Variants in COL9A1 observed in about 807,000 individuals in gnomAD.
COL9A1 encodes the protein collagen alpha-1(IX) chain.
A neutral mutation model predicts 142.6 loss-of-function variants in COL9A1; 104 were observed. The ratio of observed to expected loss-of-function variants is 0.73; its 90% CI spans 0.62 to 0.86. The LOEUF is 0.86. Among genes scored for constraint, COL9A1 ranks in the 40% least tolerant of loss-of-function variants. COL9A1 has a pLI of 0.00. For missense variants in COL9A1, 1,210 were observed against 1,176.6 expected, an observed-to-expected ratio of 1.03 and a Z score of -0.42; for synonymous variants, 466 against 396.0, an observed-to-expected ratio of 1.18 and a Z score of -2.10.
At chr6:70,290,515 G>A (rs1773617863) in intron 5 of COL9A1, among the ~76,000 whole-genome samples, 1 of 152,086 alleles carries the variant, frequency 6.6e-6, no homozygotes, top group African/African-American at 2.4e-5. Context: ...CATGTGAACA[G>A]CTATATCACA....
intron 7 of COL9A1, among the ~76,000 whole-genome samples, 191 bp downstream of exon 7, chr6:70,282,707 C>G (rs546822955): frequency 7.2e-5 from 11 of 152,296 alleles, no homozygotes; most frequent in African/African-American, 2.6e-4. Flanking sequence ...AGCCCCCCTT[C>G]CTAGACCAAG....
At chr6:70,229,089 A>G (rs76946863) in intron 36 of COL9A1, among the ~76,000 whole-genome samples, 2,575 of 152,208 alleles carry the variant, frequency 0.017, 79 homozygotes, top group African/African-American at 0.058. Context: ...CCAACTTTTA[A>G]TGTTGCTTCG....
intron 37 of COL9A1, among the ~76,000 whole-genome samples, chr6:70,221,852 G>T (rs557841659): frequency 6.6e-6 from 1 of 152,162 alleles, no homozygotes; most frequent in Non-Finnish European, 1.5e-5. Context: ...TGAGACAACC[G>T]ACCAAGCAAT....
chr6:70,234,494 C>T (rs757126165), intron 35 of COL9A1, 45 bp downstream of exon 35: 1 of 1,593,606 alleles, frequency 6.3e-7, no homozygotes, highest in Admixed American at 1.7e-5. Context: ...TCTTAAGAAA[C>T]AAGAGTTGAT....
In COL9A1 at chr6:70,252,335, T is replaced by C; in HGVS notation, c.1765-20A>G. Reference sequence around the variant, plus strand: ...GCTACCCTAAGGGTAAAATGCAACATCCAAAATAACTCATGCTGAAGTAAG... The same window carrying C: ...GCTACCCTAAGGGTAAAATGCAACACCCAAAATAACTCATGCTGAAGTAAG... On this transcript the variant is annotated intron_variant, in intron 26 of 37. Coordinates refer to ENST00000357250, the MANE Select transcript of COL9A1 (RefSeq NM_001851.6). 1 of 1,611,526 alleles carries C rather than the reference T, an allele frequency of 6.2e-7. No homozygotes were observed. Among genetic ancestry groups the C allele is most frequent in the Non-Finnish European group, 8.5e-7 (1 of 1,177,622 alleles).
At chr6:70,227,424 TAAAAAA>T (rs11407353) in intron 36 of COL9A1, among the ~76,000 whole-genome samples, 2 of 50,046 alleles carry the variant, frequency 4.0e-5, no homozygotes, top group African/African-American at 2.3e-4. Flanking sequence ...ATGCAAATTG[TAAAAAA>T]AAAAAAAAAA....
chr6:70,253,510 G>T, intron 25 of COL9A1, 81 bp from the exon 26 acceptor site: 2 of 952,146 alleles, frequency 2.1e-6, no homozygotes, highest in Admixed American at 3.7e-5. Flanking sequence ...CACACTGCAG[G>T]GAGGCTGAGG....
intron 34 of COL9A1, 70 bp downstream of exon 34, chr6:70,234,724 G>A (rs775197424): frequency 3.0e-5 from 48 of 1,606,966 alleles, no homozygotes; most frequent in Non-Finnish European, 4.1e-5. Flanking sequence ...AGAAGCTGAT[G>A]CCTAGAACAG....
intron 4 of COL9A1, among the ~76,000 whole-genome samples, chr6:70,297,056 A>G (rs1773872896): frequency 6.6e-6 from 1 of 152,136 alleles, no homozygotes; most frequent in African/African-American, 2.4e-5. Context: ...ACTCTTGTGA[A>G]AATACAACCT....
At chr6:70,278,209 G>A (rs1407206502) in intron 10 of COL9A1, among the ~76,000 whole-genome samples, 1 of 152,102 alleles carries the variant, frequency 6.6e-6, no homozygotes. Context: ...GGTGACTTAG[G>A]TACTAAAAAT....
At chr6:70,280,306 T>C (rs1773063560) in intron 10 of COL9A1, 1 of 1,219,400 alleles carries the variant, frequency 8.2e-7, no homozygotes, top group African/African-American at 1.5e-5. Flanking sequence ...CAAGTGCATC[T>C]TTCTTTTTCA....
At chr6:70,269,486 C>G (rs1326743033) in intron 16 of COL9A1, 147 bp downstream of exon 16, 1 of 637,436 alleles carries the variant, frequency 1.6e-6, no homozygotes, top group Non-Finnish European at 2.9e-6. Context: ...CACTAGTCCA[C>G]TAGCGTTACA....
chr6:70,274,185 GTT>G (rs34897704), intron 11 of COL9A1, 103 bp from the exon 12 acceptor site: 247 of 692,302 alleles, frequency 3.6e-4, no homozygotes, highest in East Asian at 1.1e-3. Flanking sequence ...CCATTATGGT[GTT>G]TTTTTTTTTT....
chr6:70,241,336 C>T (rs1770243265), intron 31 of COL9A1, 83 bp downstream of exon 31: 1 of 1,117,338 alleles, frequency 8.9e-7, no homozygotes, highest in Non-Finnish European at 1.4e-6. Flanking sequence ...TTATTAACCC[C>T]CATAAACCAG....
At chr6:70,221,750 CTT>C (rs929373786) in intron 37 of COL9A1, among the ~76,000 whole-genome samples, 1 of 152,144 alleles carries the variant, frequency 6.6e-6, no homozygotes, top group Admixed American at 6.5e-5. Flanking sequence ...AGTCAGGACT[CTT>C]TATTATTAAT....
chr6:70,254,647 T>C (rs1377633631), intron 24 of COL9A1, 118 bp from the exon 25 acceptor site: 7 of 906,692 alleles, frequency 7.7e-6, no homozygotes, highest in Non-Finnish European at 1.3e-5. Flanking sequence ...TGACTTTACA[T>C]GCACTTTTAT....
chr6:70,219,112 A>C (rs1024826007), intron 37 of COL9A1, among the ~76,000 whole-genome samples: 1 of 152,224 alleles, frequency 6.6e-6, no homozygotes, highest in East Asian at 1.9e-4. Flanking sequence ...TAAGATCCTT[A>C]ACACCAGATG....
At chr6:70,256,716 A>AG (rs1356518542) in intron 21 of COL9A1, 52 bp downstream of exon 21, 31 of 1,430,986 alleles carry the variant, frequency 2.2e-5, no homozygotes, top group Non-Finnish European at 3.0e-5. Context: ...ATGCATACAT[A>AG]GCAAAAAAAA....
intron 14 of COL9A1, among the ~76,000 whole-genome samples, chr6:70,271,234 C>T (rs536160618): frequency 5.3e-5 from 8 of 152,224 alleles, no homozygotes; most frequent in African/African-American, 1.9e-4. Flanking sequence ...TTTTATGAAG[C>T]CCAGCTCTTT....
Sources: gnomAD v4.1 joint callset for allele counts (sites outside exome capture counted in the v4.1 genomes callset) on GRCh38, gnomAD v4.1.1 for gene constraint, MANE v1.5 for transcripts, NCBI Gene and HGNC (gene_info 2026-07-23, HGNC 2026-07-21) for gene names.